SHISA6: variants seen among roughly 807,000 people sequenced by gnomAD.
SHISA6 encodes shisa family member 6.
A neutral mutation model predicts 47.9 loss-of-function variants in SHISA6; 22 were observed. That is an observed-to-expected ratio of 0.46 (90% confidence interval 0.33 to 0.66). SHISA6 has a LOEUF of 0.66. Ranked by LOEUF, SHISA6 falls within the 30% of genes least tolerant of loss-of-function variation. SHISA6 has a pLI of 0.02. For missense variants in SHISA6, 680 were observed against 764.6 expected, an observed-to-expected ratio of 0.89 and a Z score of 1.30; for synonymous variants, 388 against 337.8, an observed-to-expected ratio of 1.15 and a Z score of -1.63.
intron 3 of SHISA6, among the ~76,000 whole-genome samples, chr17:11,532,908 G>A (rs918672413): frequency 1.1e-4 from 16 of 152,062 alleles, no homozygotes; most frequent in Non-Finnish European, 2.1e-4. Context: ...AAATAGGCGT[G>A]TTGGTGCAAG....
chr17:11,437,378 G>A (rs1427035808), intron 3 of SHISA6, among the ~76,000 whole-genome samples: 3 of 152,190 alleles, frequency 2.0e-5, no homozygotes, highest in Non-Finnish European at 2.9e-5. Flanking sequence ...AGTGGATCAC[G>A]GGTCAGCATA....
intron 2 of SHISA6, among the ~76,000 whole-genome samples, chr17:11,314,652 C>T (rs1910447129): frequency 6.6e-6 from 1 of 151,868 alleles, no homozygotes; most frequent in African/African-American, 2.4e-5. Context: ...TCTCCTGCCT[C>T]AGCCTCCCAA....
At chr17:11,378,614 T>C (rs956439652) in intron 2 of SHISA6, among the ~76,000 whole-genome samples, 1 of 152,224 alleles carries the variant, frequency 6.6e-6, no homozygotes, top group Non-Finnish European at 1.5e-5. Context: ...ATTTTGAATG[T>C]CAGAAGTAGA....
intron 1 of SHISA6, among the ~76,000 whole-genome samples, chr17:11,262,539 C>A (rs908853444): frequency 6.6e-6 from 1 of 152,214 alleles, no homozygotes; most frequent in Non-Finnish European, 1.5e-5. Context: ...ATTATGAACC[C>A]CTAGATGGCA....
chr17:11,538,759 C>A (rs1240256677), intron 3 of SHISA6, among the ~76,000 whole-genome samples: 1 of 152,160 alleles, frequency 6.6e-6, no homozygotes, highest in Non-Finnish European at 1.5e-5. Flanking sequence ...ACTCGTTGGC[C>A]TTAAGCATCT....
chr17:11,451,678 G>A (rs1915406306), intron 3 of SHISA6, among the ~76,000 whole-genome samples: 1 of 152,120 alleles, frequency 6.6e-6, no homozygotes, highest in South Asian at 2.1e-4. Flanking sequence ...TCCCAGGGTG[G>A]GTATGCTCCG....
rs1292478941 is a variant in SHISA6, at chr17:11,286,738, AC to A, written c.799+23216del. Among the ~76,000 whole-genome samples the A allele has an allele frequency of 2.0e-5, 3 of 152,268 alleles. No individual in the cohort carries two copies. The East Asian group carries it at 5.8e-4, about 29-fold the overall frequency. On this transcript the variant is annotated intron_variant, in intron 2 of 5. Transcript: ENST00000441885. ...GAAATGTCCATTCAGACCTTATAGGACCCCAGGATATTTTGTCCAGAATCTC... is the reference window on the plus strand; with the variant it reads ...GAAATGTCCATTCAGACCTTATAGGACCCAGGATATTTTGTCCAGAATCTC...
At chr17:11,543,471 A>C (rs2071851158) in intron 3 of SHISA6, among the ~76,000 whole-genome samples, 1 of 152,178 alleles carries the variant, frequency 6.6e-6, no homozygotes. Context: ...GGTACAATAT[A>C]AATAGAGATA....
chr17:11,379,751 A>C, intron 3 of SHISA6: 1 of 365,340 alleles, frequency 2.7e-6, no homozygotes. Context: ...TGGCGGGGAC[A>C]CAGATGCCGG....
At position 11,483,496 on chromosome 17, in the gene SHISA6, CA is replaced by C. The variant is rs1222442197; in HGVS notation, c.896-68395del. ...ATATACACTTACAACATAATTACTC[CA>C]AAAATGTAAAAGTTTAGAGCTGAGC... is the stretch of plus-strand genomic sequence containing the variant. On this transcript the variant is annotated intron_variant, in intron 3 of 5. Coordinates refer to ENST00000441885, the MANE Select transcript of SHISA6 (RefSeq NM_207386.4). Among the ~76,000 whole-genome samples the C allele has an allele frequency of 1.1e-4, 17 of 152,070 alleles. No homozygotes were observed. In the East Asian group the frequency reaches 2.9e-3, roughly 26 times the overall value.
At chr17:11,509,623 G>T (rs73286845) in intron 3 of SHISA6, among the ~76,000 whole-genome samples, 9,217 of 152,230 alleles carry the variant, frequency 0.061, 305 homozygotes, top group Middle Eastern at 0.099. Context: ...CAAAACTCCT[G>T]CCCTAACTGA....
At chr17:11,381,082 T>C (rs1912990355) in intron 3 of SHISA6, among the ~76,000 whole-genome samples, 1 of 152,120 alleles carries the variant, frequency 6.6e-6, no homozygotes, top group Non-Finnish European at 1.5e-5. Context: ...CCGAGGATTG[T>C]TGGGGGCCAA....
chr17:11,496,750 A>T (rs2071412357), intron 3 of SHISA6, among the ~76,000 whole-genome samples: 2 of 116,524 alleles, frequency 1.7e-5, no homozygotes, highest in African/African-American at 6.2e-5. Flanking sequence ...AAAAAAAAGA[A>T]AAAAAAAAAA....
At chr17:11,430,691 C>T (rs1021044678) in intron 3 of SHISA6, among the ~76,000 whole-genome samples, 7 of 152,118 alleles carry the variant, frequency 4.6e-5, no homozygotes, top group African/African-American at 1.7e-4. Context: ...ATGGTGTCTG[C>T]CTACCAACCG....
chr17:11,478,564 TAA>T (rs1916129714), intron 3 of SHISA6, among the ~76,000 whole-genome samples: 1 of 55,026 alleles, frequency 1.8e-5, no homozygotes, highest in South Asian at 8.5e-4. Flanking sequence ...GTCTAACGTT[TAA>T]GTCTTTAATC....
chr17:11,289,596 A>G lies in SHISA6; in HGVS notation c.799+26070A>G, dbSNP rs1029612639. ...CATACAAATATATATATATGTATAT[A>G]TATATACACACACACACAATATTTT... On this transcript the variant is annotated intron_variant, in intron 2 of 5. Transcript: ENST00000441885. 6 of 143,082 alleles carry G rather than the reference A, an allele frequency of 4.2e-5. No individual in the cohort carries two copies. The East Asian group carries it at 9.0e-4, about 21-fold the overall frequency. The allele number at this position is 143,082 out of a possible 1,614,324, so 8.9% of individuals were successfully genotyped here. A position where few individuals can be genotyped will look rare whatever the true frequency, so the allele number is the denominator to read the frequency against.
At chr17:11,370,074 G>A (rs998269242) in intron 2 of SHISA6, among the ~76,000 whole-genome samples, 3 of 152,150 alleles carry the variant, frequency 2.0e-5, no homozygotes, top group African/African-American at 7.2e-5. Flanking sequence ...TGACCTTGAA[G>A]ACTCTTTCTG....
chr17:11,282,358 G>T (rs985190939), intron 2 of SHISA6, among the ~76,000 whole-genome samples: 3 of 151,882 alleles, frequency 2.0e-5, no homozygotes, highest in Non-Finnish European at 4.4e-5. Context: ...GTAGGGAAGG[G>T]GCAAGAGAGC....
At chr17:11,468,491 G>A (rs781188612) in intron 3 of SHISA6, among the ~76,000 whole-genome samples, 1 of 151,976 alleles carries the variant, frequency 6.6e-6, no homozygotes, top group Non-Finnish European at 1.5e-5. Context: ...AGGAGGACTG[G>A]AGGCTGGTTT....
Sources: gnomAD v4.1 joint callset for allele counts (sites outside exome capture counted in the v4.1 genomes callset) on GRCh38, gnomAD v4.1.1 for gene constraint, MANE v1.5 for transcripts, NCBI Gene and HGNC (gene_info 2026-07-23, HGNC 2026-07-21) for gene names.